VPS41: variants seen among roughly 807,000 people sequenced by gnomAD.
VPS41 encodes VPS41 subunit of HOPS complex.
A neutral mutation model predicts 130.9 loss-of-function variants in VPS41; 85 were observed. That is an observed-to-expected ratio of 0.65 (90% CI 0.55 to 0.78). The LOEUF is 0.78. Among genes scored for constraint, VPS41 ranks in the 30% least tolerant of loss-of-function variants. The pLI is 0.00. For missense variants in VPS41, 874 were observed against 1,018.7 expected (o/e 0.86, Z 1.93); for synonymous variants, 335 against 332.9 (o/e 1.01, Z -0.07).
At chr7:38,734,158 A>G (rs1005296454) in intron 25 of VPS41, among the ~76,000 whole-genome samples, 12 of 152,202 alleles carry the variant, frequency 7.9e-5, no homozygotes, top group Non-Finnish European at 1.5e-4. Flanking sequence ...TAATGGTATT[A>G]ATTTTCATCT....
intron 2 of VPS41, among the ~76,000 whole-genome samples, chr7:38,892,037 ATTCTC>A (rs1473053365): frequency 6.6e-6 from 1 of 152,032 alleles, no homozygotes; most frequent in African/African-American, 2.4e-5. Flanking sequence ...TAAATTAACT[ATTCTC>A]TATTCTCTGG....
At chr7:38,807,006 G>A (rs1784851118) in intron 7 of VPS41, among the ~76,000 whole-genome samples, 1 of 152,154 alleles carries the variant, frequency 6.6e-6, no homozygotes, top group Admixed American at 6.5e-5. Context: ...TTTCCAAGTC[G>A]TGGCAATGAC....
chr7:38,887,343 T>C (rs184907876), intron 2 of VPS41, among the ~76,000 whole-genome samples: 32 of 152,256 alleles, frequency 2.1e-4, no homozygotes, highest in Non-Finnish European at 4.3e-4. Flanking sequence ...AATGACCTAA[T>C]GGAGCTGAAA....
chr7:38,830,238 C>CA lies in VPS41; in HGVS notation c.321+15dup. ...GGCGCCACAGAACTCTCTGCATGAC[C>CA]ACATCTTTGCCATACCTTGCCATCC... On this transcript the variant is annotated intron_variant, in intron 5 of 28. Transcript: ENST00000310301. The CA allele has an allele frequency of 6.3e-7, 1 of 1,586,660 alleles. No individual in the cohort carries two copies. The highest frequency in any genetic ancestry group is 8.7e-7 in the Non-Finnish European group (1 of 1,154,878).
At position 38,807,442 on chromosome 7, in the gene VPS41, T is replaced by C. The variant is rs545150260; in HGVS notation, c.450+10375A>G. Among the ~76,000 whole-genome samples, 7 of 133,388 alleles carry C rather than the reference T, an allele frequency of 5.2e-5. No homozygotes were observed. In the East Asian group the frequency reaches 1.4e-3, roughly 26 times the overall value. 87.5% of individuals were successfully genotyped at this position (133,388 alleles called of 152,430 possible). ...GGGATCCAAAAGGCTTAAAGACAAA[T>C]AAAGGACTGTAAATTTACCCCATAG... On this transcript the variant is annotated intron_variant, in intron 7 of 28. Coordinates refer to ENST00000310301, the MANE Select transcript of VPS41 (RefSeq NM_014396.4).
At chr7:38,877,663 C>A (rs1167886884) in intron 2 of VPS41, among the ~76,000 whole-genome samples, 1 of 152,092 alleles carries the variant, frequency 6.6e-6, no homozygotes, top group Non-Finnish European at 1.5e-5. Flanking sequence ...ACCACCCCCA[C>A]CAAAGCCTCT....
chr7:38,807,254 A>G (rs1273850650), intron 7 of VPS41, among the ~76,000 whole-genome samples: 3 of 152,156 alleles, frequency 2.0e-5, no homozygotes, highest in Non-Finnish European at 4.4e-5. Flanking sequence ...TCCTAAAACC[A>G]TATGGGGTAC....
chr7:38,801,531 A>G (rs1198873988), intron 7 of VPS41, among the ~76,000 whole-genome samples: 1 of 152,218 alleles, frequency 6.6e-6, no homozygotes, highest in African/African-American at 2.4e-5. Context: ...ATACTAAATA[A>G]AGTAGGTCAT....
chr7:38,782,915 G>A (rs916048866), intron 10 of VPS41, among the ~76,000 whole-genome samples: 5 of 151,990 alleles, frequency 3.3e-5, no homozygotes, highest in South Asian at 2.1e-4. Flanking sequence ...TCAGGAGTTC[G>A]AGACCAGCCT....
intron 4 of VPS41, among the ~76,000 whole-genome samples, chr7:38,862,010 T>C (rs1253000333): frequency 1.3e-5 from 2 of 152,184 alleles, no homozygotes; most frequent in African/African-American, 4.8e-5. Context: ...TTCAATTACA[T>C]TTGGCATCTC....
At chr7:38,756,628 T>C (rs1783799967) in intron 19 of VPS41, among the ~76,000 whole-genome samples, 2 of 152,230 alleles carry the variant, frequency 1.3e-5, no homozygotes, top group African/African-American at 4.8e-5. Context: ...TGAATTGCTT[T>C]CACAGAATAA....
chr7:38,798,973 G>C (rs1784674284), intron 7 of VPS41, among the ~76,000 whole-genome samples: 1 of 152,102 alleles, frequency 6.6e-6, no homozygotes, highest in Non-Finnish European at 1.5e-5. Flanking sequence ...AGTCAGGCAG[G>C]TACTAGAATG....
chr7:38,848,978 C>T (rs1457528343), intron 4 of VPS41, among the ~76,000 whole-genome samples: 1 of 151,990 alleles, frequency 6.6e-6, no homozygotes, highest in East Asian at 1.9e-4. Flanking sequence ...AATTTTTTTT[C>T]TGGCAAGGTA....
chr7:38,832,049 C>T lies in VPS41; in HGVS notation c.247-1721G>A, dbSNP rs182564889. ...AATCAATATTCATTGATTCATTTCC[C>T]TGACTACTAATAAACTTAACCATTT... On this transcript the variant is annotated intron_variant, in intron 4 of 28. Transcript: ENST00000310301. Among the ~76,000 whole-genome samples, 427 of 152,214 alleles carry T rather than the reference C, an allele frequency of 2.8e-3. 1 individual carries two copies. The highest frequency in any genetic ancestry group is 0.014 in the Middle Eastern group (4 of 294).
At chr7:38,842,674 A>G (rs1203658520) in intron 4 of VPS41, among the ~76,000 whole-genome samples, 1 of 152,150 alleles carries the variant, frequency 6.6e-6, no homozygotes, top group Non-Finnish European at 1.5e-5. Flanking sequence ...CTTTAACTCT[A>G]TATATTTGGC....
At chr7:38,735,517 A>ATATGTG (rs200017695) in intron 25 of VPS41, among the ~76,000 whole-genome samples, 1,581 of 151,786 alleles carry the variant, frequency 0.01, 6 homozygotes, top group Non-Finnish European at 0.015. Flanking sequence ...GTACATGTGT[A>ATATGTG]TATGTGTATG....
chr7:38,808,028 A>T (rs1784873720), intron 7 of VPS41, among the ~76,000 whole-genome samples: 1 of 152,164 alleles, frequency 6.6e-6, no homozygotes, highest in Non-Finnish European at 1.5e-5. Flanking sequence ...AATATATGAA[A>T]AAGTTAGCTG....
chr7:38,904,312 TA>T (rs1787208373), intron 1 of VPS41, among the ~76,000 whole-genome samples: 1 of 152,166 alleles, frequency 6.6e-6, no homozygotes, highest in Non-Finnish European at 1.5e-5. Context: ...CAGGTGAAGA[TA>T]AGTGGAAAAA....
intron 23 of VPS41, among the ~76,000 whole-genome samples, chr7:38,743,938 TTATATA>T (rs1795936003): frequency 6.6e-6 from 1 of 152,212 alleles, no homozygotes; most frequent in Non-Finnish European, 1.5e-5. Context: ...TTTGATAGAC[TTATATA>T]TATTCTGGAG....
Sources: gnomAD v4.1 joint callset for allele counts (sites outside exome capture counted in the v4.1 genomes callset) on GRCh38, gnomAD v4.1.1 for gene constraint, MANE v1.5 for transcripts, NCBI Gene and HGNC (gene_info 2026-07-23, HGNC 2026-07-21) for gene names.